LRRC37A: variants seen among roughly 807,000 people sequenced by gnomAD.
LRRC37A encodes leucine-rich repeat-containing protein 37A.
In LRRC37A, 3 loss-of-function variants were observed where a neutral mutation model predicts 35.4. The ratio of observed to expected loss-of-function variants is 0.08; its 90% CI spans 0.04 to 0.22. The LOEUF is 0.22. Among genes scored for constraint, LRRC37A ranks in the 10% least tolerant of loss-of-function variants. The probability of loss-of-function intolerance (pLI) is 1.00; values close to 1 mark genes in which losing one functional copy is unlikely to be tolerated. For synonymous variants in LRRC37A, 23 were observed against 215.0 expected, an observed-to-expected ratio of 0.11 and a Z score of 7.81; for missense variants, 67 against 565.3, an observed-to-expected ratio of 0.12 and a Z score of 8.94.
chr17:46,248,562 C>T, the LRRC37A span, among the ~76,000 whole-genome samples: 4 of 152,154 alleles, frequency 2.6e-5, no homozygotes, highest in East Asian at 7.7e-4. Flanking sequence ...CACTGTTGCC[C>T]AGGCTGCAGT....
chr17:46,290,722 T>A (rs62073177), upstream of LRRC37A, among the ~76,000 whole-genome samples: 7,324 of 132,764 alleles, frequency 0.055, no homozygotes, highest in Non-Finnish European at 0.089. Flanking sequence ...GCTGGGATTA[T>A]AGGCATGAGC....
chr17:46,267,354 G>A, the LRRC37A span: 1 of 1,572,646 alleles, frequency 6.4e-7, no homozygotes, highest in Non-Finnish European at 8.6e-7. Flanking sequence ...ACGTGGACGT[G>A]CTGGGCGCGG....
At chr17:46,280,305 A>C in the LRRC37A span, among the ~76,000 whole-genome samples, 4 of 152,186 alleles carry the variant, frequency 2.6e-5, no homozygotes, top group African/African-American at 9.7e-5. Flanking sequence ...CGGAGGTTGC[A>C]GTGAGGTGAG....
chr17:46,259,995 G>C, the LRRC37A span: 2 of 1,582,332 alleles, frequency 1.3e-6, no homozygotes, highest in Non-Finnish European at 1.7e-6. Context: ...CTCCACAGAG[G>C]TGTGGCTGCC....
chr17:46,260,095 GGCAGCAGCC>G, the LRRC37A span: 1 of 1,580,762 alleles, frequency 6.3e-7, no homozygotes, highest in Admixed American at 1.8e-5. Context: ...TCCGGGGCTG[GGCAGCAGCC>G]GCGCCTCCTG....
At chr17:46,272,515 A>C in the LRRC37A span, among the ~76,000 whole-genome samples, 127 of 152,236 alleles carry the variant, frequency 8.3e-4, no homozygotes, top group African/African-American at 2.9e-3. Context: ...CCCAGGTTCA[A>C]GTGATTCTCC....
upstream of LRRC37A, chr17:46,294,017 G>T (rs1440473770): frequency 3.1e-5 from 3 of 98,238 alleles, no homozygotes; most frequent in African/African-American, 8.8e-5. Flanking sequence ...CTCCTGAGTA[G>T]CTGGGATTGC....
the LRRC37A span, among the ~76,000 whole-genome samples, chr17:46,278,409 T>G: frequency 4.1e-3 from 429 of 104,972 alleles, 1 homozygote; most frequent in South Asian, 6.7e-3. Context: ...TTGTTTTTTT[T>G]TTGTTGTTGT....
At chr17:46,267,074 G>A in the LRRC37A span, 5 of 322,024 alleles carry the variant, frequency 1.6e-5, no homozygotes, top group South Asian at 5.6e-4. Flanking sequence ...CAGGGACGCG[G>A]AGCCCGGCGC....
At chr17:46,275,506 A>G in the LRRC37A span, 126,747 of 605,470 alleles carry the variant, frequency 0.21, 16,616 homozygotes, top group Non-Finnish European at 0.28. Flanking sequence ...ATAAATCTGG[A>G]AGAAGCAGCC....
chr17:46,278,040 C>T, the LRRC37A span, among the ~76,000 whole-genome samples: 19 of 151,882 alleles, frequency 1.3e-4, no homozygotes, highest in Middle Eastern at 3.4e-3. Context: ...CCGCCTCCCA[C>T]GTTCAAGTGA....
chr17:46,278,396 A>AT, the LRRC37A span, among the ~76,000 whole-genome samples: 45 of 136,118 alleles, frequency 3.3e-4, no homozygotes, highest in East Asian at 1.8e-3. Context: ...GTTTTGTTTT[A>AT]TTTTGTTTTT....
chr17:46,336,089 G>A (rs1191755043), intron 11 of LRRC37A, among the ~76,000 whole-genome samples: 1 of 17,612 alleles, frequency 5.7e-5, no homozygotes, highest in African/African-American at 6.2e-5. Context: ...GAAGGCCACC[G>A]GGTGTGAGAG....
At chr17:46,280,968 G>A in the LRRC37A span, among the ~76,000 whole-genome samples, 1 of 152,176 alleles carries the variant, frequency 6.6e-6, no homozygotes, top group Non-Finnish European at 1.5e-5. Flanking sequence ...TTACTTGACT[G>A]TTTGGCTGCA....
At chr17:46,250,392 T>C in the LRRC37A span, among the ~76,000 whole-genome samples, 1 of 152,240 alleles carries the variant, frequency 6.6e-6, no homozygotes, top group Non-Finnish European at 1.5e-5. Flanking sequence ...CTTGGGTGTG[T>C]CCGTGAGGGT....
At chr17:46,276,314 T>C in the LRRC37A span, among the ~76,000 whole-genome samples, 1 of 152,264 alleles carries the variant, frequency 6.6e-6, no homozygotes, top group African/African-American at 2.4e-5. Flanking sequence ...TCCAATAGTT[T>C]ACAATTTTTA....
At chr17:46,250,108 A>G in the LRRC37A span, among the ~76,000 whole-genome samples, 1 of 151,936 alleles carries the variant, frequency 6.6e-6, no homozygotes. Flanking sequence ...GTTTTTGTAT[A>G]TTTAGTAGAG....
At chr17:46,293,874 C>G (rs1245015255), upstream of LRRC37A, 2 of 255,468 alleles carry the variant, frequency 7.8e-6, 1 homozygote, top group Non-Finnish European at 1.2e-5. Context: ...ATCTTGGACT[C>G]TCTTCCATTT....
At chr17:46,267,660 A>T in the LRRC37A span, 4 of 1,313,188 alleles carry the variant, frequency 3.0e-6, no homozygotes, top group South Asian at 1.2e-5. Context: ...TAGGATTTAG[A>T]CGACAGGTAT....
Sources: allele counts gnomAD v4.1 joint callset (sites outside exome capture counted in the v4.1 genomes callset), GRCh38; gene constraint gnomAD v4.1.1; transcripts MANE v1.5; gene names NCBI Gene and HGNC (gene_info 2026-07-23, HGNC 2026-07-21).